Variants in IPCEF1 observed in about 807,000 individuals in gnomAD.
IPCEF1 encodes interactor protein for cytohesin exchange factors 1.
IPCEF1 carries 31 observed loss-of-function variants against 50.9 expected under a neutral mutation model. The observed-to-expected ratio is 0.61, with a 90% CI of 0.46 to 0.82. The LOEUF (loss-of-function observed/expected upper bound fraction) is 0.82. Ranked by LOEUF, IPCEF1 falls within the 40% of genes least tolerant of loss-of-function variation. The probability of loss-of-function intolerance (pLI) is 0.00; values close to 1 mark genes in which losing one functional copy is unlikely to be tolerated. For missense variants in IPCEF1, 458 were observed against 514.0 expected (o/e 0.89, Z 1.05); for synonymous variants, 181 against 192.0 (o/e 0.94, Z 0.47).
chr6:154,214,952 G>A (rs1368682006), intron 7 of IPCEF1, among the ~76,000 whole-genome samples: 1 of 152,138 alleles, frequency 6.6e-6, no homozygotes, highest in Non-Finnish European at 1.5e-5. Context: ...CCTTCTCAAG[G>A]GTTTACTTAG....
At chr6:154,352,433 A>AT (rs553198271) in intron 1 of IPCEF1, among the ~76,000 whole-genome samples, 76 of 152,136 alleles carry the variant, frequency 5.0e-4, no homozygotes, top group African/African-American at 1.8e-3. Context: ...CGATCTGGTC[A>AT]TTTTTTTATT....
intron 2 of IPCEF1, among the ~76,000 whole-genome samples, chr6:154,286,270 G>A (rs764468601): frequency 1.3e-5 from 2 of 152,174 alleles, no homozygotes; most frequent in Non-Finnish European, 2.9e-5. Flanking sequence ...TAGATGACGG[G>A]TTGATAGATG....
At chr6:154,195,150 T>TC (rs1776494005) in intron 10 of IPCEF1, among the ~76,000 whole-genome samples, 1 of 144,810 alleles carries the variant, frequency 6.9e-6, no homozygotes, top group African/African-American at 2.5e-5. Context: ...TTTCTTTCTT[T>TC]TTTTTTTTTT....
At chr6:154,194,715 G>T (rs192663598) in intron 10 of IPCEF1, among the ~76,000 whole-genome samples, 1 of 152,260 alleles carries the variant, frequency 6.6e-6, no homozygotes, top group East Asian at 1.9e-4. Flanking sequence ...TAAAATCTAA[G>T]TACTATGAAT....
intron 1 of IPCEF1, among the ~76,000 whole-genome samples, chr6:154,329,615 AAGAG>A (rs1008843548): frequency 2.0e-5 from 3 of 151,654 alleles, no homozygotes; most frequent in Non-Finnish European, 2.9e-5. Context: ...AAAAGAAAGA[AAGAG>A]AGAGAGAGAA....
chr6:154,349,277 A>T (rs1024524580), intron 1 of IPCEF1, among the ~76,000 whole-genome samples: 1 of 151,664 alleles, frequency 6.6e-6, no homozygotes, highest in Non-Finnish European at 1.5e-5. Context: ...CTGCAACCTC[A>T]ATCTCCCAGG....
intron 3 of IPCEF1, among the ~76,000 whole-genome samples, chr6:154,265,090 T>A (rs566168179): frequency 6.6e-6 from 1 of 152,138 alleles, no homozygotes; most frequent in Non-Finnish European, 1.5e-5. Flanking sequence ...CACCATACAA[T>A]CCCACGACAC....
intron 5 of IPCEF1, among the ~76,000 whole-genome samples, chr6:154,239,735 G>A (rs981268742): frequency 7.9e-5 from 12 of 152,040 alleles, no homozygotes; most frequent in Non-Finnish European, 1.5e-4. Flanking sequence ...ACGCAGTCTC[G>A]CTCTGTCACC....
At chr6:154,339,732 A>G (rs1783865410) in intron 1 of IPCEF1, among the ~76,000 whole-genome samples, 1 of 151,938 alleles carries the variant, frequency 6.6e-6, no homozygotes, top group South Asian at 2.1e-4. Context: ...TGGGACTACA[A>G]GCGCACACCA....
intron 1 of IPCEF1, among the ~76,000 whole-genome samples, chr6:154,327,725 T>A (rs539602478): frequency 4.5e-4 from 69 of 152,176 alleles, no homozygotes; most frequent in Non-Finnish European, 8.8e-4. Context: ...ACTGGGTATG[T>A]ACCCAAAGGA....
At chr6:154,342,867 C>T (rs1783946118) in intron 1 of IPCEF1, among the ~76,000 whole-genome samples, 1 of 152,198 alleles carries the variant, frequency 6.6e-6, no homozygotes, top group South Asian at 2.1e-4. Context: ...AATCCCAGCA[C>T]TTTGGGAGGC....
chr6:154,311,158 A>T (rs1308300440), intron 1 of IPCEF1, among the ~76,000 whole-genome samples: 1 of 152,232 alleles, frequency 6.6e-6, no homozygotes, highest in Admixed American at 6.5e-5. Flanking sequence ...AAAATAAATT[A>T]ATAAAAAATA....
At chr6:154,274,378 C>T (rs1354983733) in intron 2 of IPCEF1, among the ~76,000 whole-genome samples, 2 of 152,188 alleles carry the variant, frequency 1.3e-5, no homozygotes, top group African/African-American at 4.8e-5. Flanking sequence ...GAAATTCCCA[C>T]ATAAGCTGTC....
intron 10 of IPCEF1, among the ~76,000 whole-genome samples, chr6:154,184,197 TA>T (rs999083328): frequency 2.7e-5 from 4 of 150,360 alleles, no homozygotes; most frequent in Non-Finnish European, 1.5e-5. Context: ...AACTTTCTCT[TA>T]AAAAAAAATA....
Position 154,199,900 on chromosome 6 carries a change from A to T in IPCEF1, c.678T>A (p.Val226=). 1 of 1,614,222 alleles carries T rather than the reference A, an allele frequency of 6.2e-7. No individual in the cohort carries two copies. Among genetic ancestry groups the T allele is most frequent in the Non-Finnish European group, 8.5e-7 (1 of 1,180,038 alleles). ...CATCTTCAGCAGCAGACAAACTGTT[A>T]ACTGTGTCAGGCAAGGATTGTCTCT... The part of the protein sequence containing the change: ...SKERQSLPDT[V]NSLSAAEDEG... Residue 226 remains valine (V), a synonymous_variant, in exon 10 of 12, where the codon GTT becomes GTA. Coordinates refer to ENST00000367220, the MANE Select transcript of IPCEF1 (RefSeq NM_001130700.2).
rs953206447 is a variant in IPCEF1, at chr6:154,166,184, C to T, written c.1104+1736G>A. 1.7e-4 allele frequency among the ~76,000 whole-genome samples: 26 copies of T among 152,308 alleles called. 1 individual carries two copies. The highest frequency in any genetic ancestry group is 3.3e-4 in the Admixed American group (5 of 15,294). On this transcript the variant is annotated intron_variant, in intron 11 of 11. Coordinates refer to ENST00000367220, the MANE Select transcript of IPCEF1 (RefSeq NM_001130700.2). Reference sequence around the variant, plus strand: ...AATTTGTTACCTAGCACTGGATAACCGATACACTGACAGAAAAGCAAAAGC... The same window carrying T: ...AATTTGTTACCTAGCACTGGATAACTGATACACTGACAGAAAAGCAAAAGC...
Position 154,304,290 on chromosome 6 carries a change from T to G in IPCEF1, c.-61-14534A>C, listed in dbSNP as rs150567467. 3.1e-3 allele frequency among the ~76,000 whole-genome samples: 477 copies of G among 152,232 alleles called. 2 individuals are homozygous for G. Among genetic ancestry groups the G allele is most frequent in the African/African-American group, 0.011 (459 of 41,566 alleles). The stretch of plus-strand genomic sequence containing the variant: ...CTTTAAAAATACATCAATAAGCAGC[T>G]TCACCAGGATAGAACAAAAGTCTGC... On this transcript the variant is annotated intron_variant, in intron 1 of 11. Coordinates refer to ENST00000367220, the MANE Select transcript of IPCEF1 (RefSeq NM_001130700.2).
At chr6:154,190,211 G>A (rs898567250) in intron 10 of IPCEF1, among the ~76,000 whole-genome samples, 4 of 151,932 alleles carry the variant, frequency 2.6e-5, no homozygotes, top group South Asian at 2.1e-4. Context: ...ATAAAATGAC[G>A]TTTCACATTA....
chr6:154,239,150 G>A (rs915729375), intron 5 of IPCEF1, among the ~76,000 whole-genome samples: 1 of 152,106 alleles, frequency 6.6e-6, no homozygotes, highest in Non-Finnish European at 1.5e-5. Context: ...CTGGCTCTCG[G>A]TGTTCCACAG....
Sources: gnomAD v4.1 joint callset for allele counts (sites outside exome capture counted in the v4.1 genomes callset) on GRCh38, gnomAD v4.1.1 for gene constraint, MANE v1.5 for transcripts, NCBI Gene and HGNC (gene_info 2026-07-23, HGNC 2026-07-21) for gene names.